AKAP11: variants seen among roughly 807,000 people sequenced by gnomAD.
The protein encoded by AKAP11 is A-kinase anchoring protein 11.
AKAP11 carries 36 observed loss-of-function variants against 146.1 expected under a neutral mutation model. That is an observed-to-expected ratio of 0.25 (90% CI 0.19 to 0.33). AKAP11 has a LOEUF of 0.33. Among genes scored for constraint, AKAP11 ranks in the 10% least tolerant of loss-of-function variants. The pLI is 1.00. For missense variants in AKAP11, 2,201 were observed against 2,197.0 expected (o/e 1.00, Z -0.04); for synonymous variants, 780 against 786.5 (o/e 0.99, Z 0.14).
chr13:42,276,859 T>C (rs2138403739), intron 1 of AKAP11, among the ~76,000 whole-genome samples: 1 of 152,354 alleles, frequency 6.6e-6, no homozygotes, highest in South Asian at 2.1e-4. Flanking sequence ...AAATGCCTTT[T>C]CAGCAATATA....
intron 9 of AKAP11, among the ~76,000 whole-genome samples, chr13:42,312,265 G>T (rs921982186): frequency 2.6e-5 from 4 of 152,150 alleles, no homozygotes; most frequent in Non-Finnish European, 5.9e-5. Flanking sequence ...TCTGAACATG[G>T]TTGCTTTTTT....
intron 3 of AKAP11, among the ~76,000 whole-genome samples, chr13:42,289,954 A>G (rs1270857989): frequency 6.6e-6 from 1 of 152,174 alleles, no homozygotes; most frequent in Non-Finnish European, 1.5e-5. Context: ...TTAGCATCAT[A>G]CCTTTAAGTA....
At chr13:42,295,791 A>G (rs1206041208) in intron 5 of AKAP11, 49 bp downstream of exon 5, 3 of 1,568,466 alleles carry the variant, frequency 1.9e-6, no homozygotes, top group Middle Eastern at 1.7e-4. Flanking sequence ...CATGGAAATC[A>G]GCTTTAGGTT....
chr13:42,316,504 A>G (rs1960827235), intron 11 of AKAP11, among the ~76,000 whole-genome samples: 1 of 152,222 alleles, frequency 6.6e-6, no homozygotes, highest in African/African-American at 2.4e-5. Flanking sequence ...TAATTATCAT[A>G]AAAAAAGAAA....
At chr13:42,304,827 T>C (rs1960167901) in intron 8 of AKAP11, among the ~76,000 whole-genome samples, 1 of 151,998 alleles carries the variant, frequency 6.6e-6, no homozygotes, top group Non-Finnish European at 1.5e-5. Context: ...CTCAGCTCAC[T>C]GCAACCTTTG....
In AKAP11 at chr13:42,301,780, G is replaced by A. The variant is rs201640703; in HGVS notation, c.3034G>A (p.Val1012Ile). 4.2e-5 allele frequency: 68 copies of A among 1,614,012 alleles called. No individual in the cohort carries two copies. Among genetic ancestry groups the A allele is most frequent in the Non-Finnish European group, 5.3e-5 (63 of 1,180,010 alleles). The change falls in exon 8 of 13, where the codon GTT (valine) becomes ATT (isoleucine). Residue 1012 changes from valine to isoleucine, a missense_variant. This residue lies in a region of AKAP11 where 1,867 missense variants were observed against 1,833.5 expected (regional missense o/e 1.02). Coordinates refer to ENST00000025301, the MANE Select transcript of AKAP11 (RefSeq NM_016248.4). ...AAKDCVPECK[V>I]SMVHGSSLET... ...AAAGGATTGTGTTCCAGAATGTAAA[G>A]TTTCTATGGTTCATGGATCCTCCCT...
chr13:42,283,399 T>C (rs1435769277), intron 1 of AKAP11, among the ~76,000 whole-genome samples: 1 of 152,206 alleles, frequency 6.6e-6, no homozygotes, highest in Non-Finnish European at 1.5e-5. Context: ...TTTCTTTTTA[T>C]GTATATTGTA....
intron 3 of AKAP11, among the ~76,000 whole-genome samples, chr13:42,289,573 G>A (rs1459435185): frequency 6.6e-6 from 1 of 152,014 alleles, no homozygotes; most frequent in African/African-American, 2.4e-5. Context: ...AACTTTGATT[G>A]CTTTTTCACT....
In AKAP11 at chr13:42,301,157, A is replaced by G. The variant is rs535492515; in HGVS notation, c.2411A>G (p.His804Arg). Residue 804 changes from histidine to arginine, a missense_variant, in exon 8 of 13, where the codon CAT becomes CGT. By Grantham distance (29) the His-to-Arg change is conservative (BLOSUM62 0). Coordinates refer to ENST00000025301, the MANE Select transcript of AKAP11 (RefSeq NM_016248.4). Reference protein sequence around the residue: ...ISSTACQAKAHLSSDDSNSNG... With the variant: ...ISSTACQAKARLSSDDSNSNG... ...TCTACTGCATGTCAGGCCAAGGCTCATCTGTCATCTGATGATAGTAATTCA... is the reference window on the plus strand; with the variant it reads ...TCTACTGCATGTCAGGCCAAGGCTCGTCTGTCATCTGATGATAGTAATTCA... The G allele has an allele frequency of 3.7e-6, 6 of 1,614,140 alleles. No individual in the cohort carries two copies. The East Asian group carries it at 8.9e-5, about 24-fold the overall frequency.
intron 1 of AKAP11, among the ~76,000 whole-genome samples, chr13:42,280,273 A>G (rs1314013758): frequency 6.6e-6 from 1 of 152,174 alleles, no homozygotes; most frequent in Non-Finnish European, 1.5e-5. Context: ...TGTTTCATAT[A>G]TATTCTGTCC....
At chr13:42,306,436 C>G (rs1320186103) in intron 8 of AKAP11, among the ~76,000 whole-genome samples, 1 of 152,152 alleles carries the variant, frequency 6.6e-6, no homozygotes, top group East Asian at 1.9e-4. Context: ...TATTGATTTT[C>G]TCAGTAATTT....
intron 1 of AKAP11, among the ~76,000 whole-genome samples, chr13:42,282,386 A>G (rs1026224809): frequency 6.6e-6 from 1 of 151,180 alleles, no homozygotes; most frequent in African/African-American, 2.4e-5. Context: ...AGTAATAATC[A>G]TGTGAATTTA....
chr13:42,282,496 A>G (rs549412507), intron 1 of AKAP11, among the ~76,000 whole-genome samples: 1 of 152,236 alleles, frequency 6.6e-6, no homozygotes, highest in South Asian at 2.1e-4. Context: ...GTATATATGT[A>G]GGATAAATTT....
At chr13:42,310,693 T>C (rs2138673886) in intron 9 of AKAP11, among the ~76,000 whole-genome samples, 1 of 152,160 alleles carries the variant, frequency 6.6e-6, no homozygotes, top group African/African-American at 2.4e-5. Flanking sequence ...ACCCCGTCTC[T>C]ACCAAAAATA....
chr13:42,300,032 A>G lies in AKAP11; in HGVS notation c.1286A>G (p.Asp429Gly), dbSNP rs757754884. ...GAATCTCCATATGGTAACCTGTGTGATGCTCCGGATTCTCCTCGCCCAGTG... is the reference window on the plus strand; with the variant it reads ...GAATCTCCATATGGTAACCTGTGTGGTGCTCCGGATTCTCCTCGCCCAGTG... ...KPESPYGNLC[D>G]APDSPRPVKA... Residue 429 changes from aspartate (D) to glycine (G), a missense_variant, in exon 8 of 13, where the codon GAT (aspartate) becomes GGT (glycine). Asp to Gly is a moderately conservative substitution (Grantham distance 94). Coordinates refer to ENST00000025301, the MANE Select transcript of AKAP11 (RefSeq NM_016248.4). The G allele has an allele frequency of 3.7e-6, 6 of 1,613,962 alleles. No individual in the cohort carries two copies. The South Asian group carries it at 6.6e-5, about 18-fold the overall frequency.
chr13:42,305,611 T>C (rs1960214140), intron 8 of AKAP11, among the ~76,000 whole-genome samples: 1 of 152,216 alleles, frequency 6.6e-6, no homozygotes. Context: ...AATAAAGTTT[T>C]ATTGGGACAC....
chr13:42,304,257 G>A (rs1960136205), intron 8 of AKAP11, among the ~76,000 whole-genome samples: 1 of 152,166 alleles, frequency 6.6e-6, no homozygotes, highest in Non-Finnish European at 1.5e-5. Flanking sequence ...AGAAATAAGC[G>A]ATTCGTAAGT....
intron 1 of AKAP11, 83 bp downstream of exon 1, chr13:42,272,311 G>A (rs2138365694): frequency 6.6e-6 from 1 of 152,318 alleles, no homozygotes; most frequent in South Asian, 2.1e-4. Context: ...TGGATGGAGC[G>A]GCCCGGCTCC....
Position 42,281,741 on chromosome 13 carries a change from T to C in AKAP11, c.-99-4245T>C, listed in dbSNP as rs1467392173. ...TACATATATAGATACACACATGTAG[T>C]TATACAGATTTTTCACAAAATGGGA... On this transcript the variant is annotated intron_variant, in intron 1 of 12. Coordinates refer to ENST00000025301, the MANE Select transcript of AKAP11 (RefSeq NM_016248.4). Among the ~76,000 whole-genome samples, 3 of 152,094 alleles carry C rather than the reference T, an allele frequency of 2.0e-5. No homozygotes were observed. In the South Asian group the frequency reaches 6.2e-4, roughly 32 times the overall value.
Sources: allele counts gnomAD v4.1 joint callset (sites outside exome capture counted in the v4.1 genomes callset), GRCh38; gene constraint gnomAD v4.1.1; regional missense constraint gnomAD v4.1.1; transcripts MANE v1.5; gene names NCBI Gene and HGNC (gene_info 2026-07-23, HGNC 2026-07-21).